LRCH3: variants seen among roughly 807,000 people sequenced by gnomAD.
LRCH3 encodes DISP complex protein LRCH3.
In LRCH3, 68 loss-of-function variants were observed where a neutral mutation model predicts 104.5. The ratio of observed to expected loss-of-function variants is 0.65; its 90% CI spans 0.54 to 0.80. The LOEUF is 0.80. Ranked by LOEUF, LRCH3 falls within the 30% of genes least tolerant of loss-of-function variation. LRCH3 has a pLI of 0.00. For missense variants in LRCH3, 951 were observed against 953.9 expected (o/e 1.00, Z 0.04); for synonymous variants, 344 against 361.3 (o/e 0.95, Z 0.54).
At chr3:197,867,653 A>G (rs1711514999) in intron 17 of LRCH3, among the ~76,000 whole-genome samples, 1 of 151,656 alleles carries the variant, frequency 6.6e-6, no homozygotes, top group African/African-American at 2.4e-5. Context: ...GGAGATCGAG[A>G]CCATCCTGGC....
chr3:197,808,398 C>T (rs1304526083), intron 1 of LRCH3, among the ~76,000 whole-genome samples: 1 of 152,206 alleles, frequency 6.6e-6, no homozygotes, highest in Non-Finnish European at 1.5e-5. Flanking sequence ...CTAGCAAACT[C>T]ATACGCTGTG....
rs1234503574 is a variant in LRCH3 at position 197,791,256 on chromosome 3, GC to G, written c.-20del. The G allele has an allele frequency of 1.9e-6, 3 of 1,605,518 alleles. No homozygotes were observed. Among genetic ancestry groups the G allele is most frequent in the African/African-American group, 2.7e-5 (2 of 74,418 alleles). The stretch of plus-strand genomic sequence containing the variant: ...GGCCGCGCATGCGCTGAGCTGGCGG[GC>G]CCGAGTGTTGTCGGCTGGGAAATGG... On this transcript the variant is annotated 5_prime_UTR_variant, in exon 1 of 21. Transcript: ENST00000425562.
At chr3:197,858,058 G>C (rs1740484296) in intron 14 of LRCH3, among the ~76,000 whole-genome samples, 1 of 151,984 alleles carries the variant, frequency 6.6e-6, no homozygotes, top group Non-Finnish European at 1.5e-5. Flanking sequence ...TTGGCATTTT[G>C]TTGTTTTAAT....
At chr3:197,803,348 C>A (rs1175830432) in intron 1 of LRCH3, among the ~76,000 whole-genome samples, 1 of 152,154 alleles carries the variant, frequency 6.6e-6, no homozygotes, top group Non-Finnish European at 1.5e-5. Flanking sequence ...TGCATAGAAT[C>A]ACCTGGGGCT....
At chr3:197,809,771 G>T (rs565925248) in intron 1 of LRCH3, among the ~76,000 whole-genome samples, 4 of 151,808 alleles carry the variant, frequency 2.6e-5, no homozygotes, top group African/African-American at 4.8e-5. Flanking sequence ...TCTGTTTTTT[G>T]TTGTTGTTGT....
intron 1 of LRCH3, among the ~76,000 whole-genome samples, chr3:197,795,087 G>A (rs1241972833): frequency 6.6e-6 from 1 of 152,050 alleles, no homozygotes; most frequent in African/African-American, 2.4e-5. Context: ...AGTGGACAAG[G>A]AAAGTCTTAG....
At chr3:197,874,337 C>A (rs146997436) in intron 19 of LRCH3, among the ~76,000 whole-genome samples, 1 of 152,136 alleles carries the variant, frequency 6.6e-6, no homozygotes, top group South Asian at 2.1e-4. Context: ...GGAGCATGAA[C>A]GCTGGTGTGA....
chr3:197,868,085 T>C (rs535508873), intron 17 of LRCH3, among the ~76,000 whole-genome samples: 1 of 152,224 alleles, frequency 6.6e-6, no homozygotes, highest in African/African-American at 2.4e-5. Flanking sequence ...CACAGTAAGA[T>C]TTAAAAGTCA....
At chr3:197,878,178 A>G (rs1171862234) in intron 20 of LRCH3, among the ~76,000 whole-genome samples, 3 of 152,208 alleles carry the variant, frequency 2.0e-5, no homozygotes, top group Non-Finnish European at 4.4e-5. Flanking sequence ...GCCCCACTCA[A>G]GCAAGTCATG....
At chr3:197,846,277 C>T (rs1469565875) in intron 10 of LRCH3, among the ~76,000 whole-genome samples, 1 of 151,410 alleles carries the variant, frequency 6.6e-6, no homozygotes, top group Non-Finnish European at 1.5e-5. Flanking sequence ...GGTTGACACA[C>T]ACCTGTAGGC....
intron 8 of LRCH3, among the ~76,000 whole-genome samples, chr3:197,833,462 C>T (rs1444424816): frequency 5.7e-5 from 8 of 139,254 alleles, no homozygotes; most frequent in African/African-American, 1.3e-4. Context: ...CACTTGAACT[C>T]GGGAGGTGGA....
chr3:197,796,224 T>C, intron 1 of LRCH3, among the ~76,000 whole-genome samples: 1 of 152,214 alleles, frequency 6.6e-6, no homozygotes, highest in East Asian at 1.9e-4. Flanking sequence ...ACCAAGACAC[T>C]CCCTGCCCTG....
At chr3:197,831,153 G>C in intron 7 of LRCH3, 1 of 286,100 alleles carries the variant, frequency 3.5e-6, no homozygotes, top group South Asian at 4.1e-5. Context: ...ACAATCTGAG[G>C]TGGGGGGTAA....
chr3:197,879,288 T>C (rs1217509835), intron 20 of LRCH3, among the ~76,000 whole-genome samples: 1 of 152,210 alleles, frequency 6.6e-6, no homozygotes, highest in Admixed American at 6.5e-5. Flanking sequence ...GTTTGGATGA[T>C]CTCTGAGGCC....
At chr3:197,820,565 C>G (rs1299025018) in intron 4 of LRCH3, 135 bp downstream of exon 4, 4 of 619,608 alleles carry the variant, frequency 6.5e-6, no homozygotes, top group Non-Finnish European at 8.4e-6. Context: ...AATGCCAACA[C>G]TTTGGGAGGC....
intron 19 of LRCH3, among the ~76,000 whole-genome samples, chr3:197,872,973 G>A (rs1263125636): frequency 1.3e-5 from 2 of 152,218 alleles, no homozygotes; most frequent in African/African-American, 4.8e-5. Context: ...CAGTGAGAGG[G>A]AAGATGGTTC....
At position 197,866,225 on chromosome 3, in the gene LRCH3, T is replaced by C; in HGVS notation, c.1873+6T>C. On this transcript the variant is annotated splice_donor_region_variant and intron_variant, in intron 17 of 20. Coordinates refer to ENST00000425562, the MANE Select transcript of LRCH3 (RefSeq NM_001365715.1). ...CAGGGCAGAAACCAACAAAGGTAGGTGGTGGTGATTTTAAAAGCCAGGAGC... is the reference window on the plus strand; with the variant it reads ...CAGGGCAGAAACCAACAAAGGTAGGCGGTGGTGATTTTAAAAGCCAGGAGC... 6.2e-7 allele frequency: 1 copy of C among 1,608,360 alleles called. No individual in the cohort carries two copies. Among genetic ancestry groups the C allele is most frequent in the Non-Finnish European group, 8.5e-7 (1 of 1,174,828 alleles).
intron 8 of LRCH3, among the ~76,000 whole-genome samples, chr3:197,832,532 T>G (rs1736097623): frequency 6.6e-6 from 1 of 152,204 alleles, no homozygotes; most frequent in South Asian, 2.1e-4. Flanking sequence ...TATTTCTCCC[T>G]TGTTTTTATT....
intron 14 of LRCH3, among the ~76,000 whole-genome samples, chr3:197,855,595 ACAC>A (rs1409271789): frequency 2.0e-5 from 3 of 152,230 alleles, no homozygotes; most frequent in Non-Finnish European, 2.9e-5. Flanking sequence ...CCTGCATTAA[ACAC>A]CATACTGAAA....
Sources: gnomAD v4.1 joint callset for allele counts (sites outside exome capture counted in the v4.1 genomes callset) on GRCh38, gnomAD v4.1.1 for gene constraint, MANE v1.5 for transcripts, NCBI Gene and HGNC (gene_info 2026-07-23, HGNC 2026-07-21) for gene names.